The following CSMD1 variants were observed in gnomAD, a reference collection of about 807,000 sequenced individuals.
CSMD1 encodes the protein CUB and Sushi multiple domains 1, also known as CUB and sushi domain-containing protein 1.
A neutral mutation model predicts 417.5 loss-of-function variants in CSMD1; 213 were observed. The observed-to-expected ratio is 0.51, with a 90% CI of 0.46 to 0.57. The LOEUF (loss-of-function observed/expected upper bound fraction) is 0.57, where lower values mean the gene tolerates loss of function less well. Ranked by LOEUF, CSMD1 falls within the 20% of genes least tolerant of loss-of-function variation. The probability of loss-of-function intolerance (pLI) is 0.00; values close to 1 mark genes in which losing one functional copy is unlikely to be tolerated. For missense variants in CSMD1, 6,923 were observed against 4,529.7 expected (o/e 1.53, Z -15.17); for synonymous variants, 2,862 against 1,736.8 (o/e 1.65, Z -16.11).
At chr8:3,944,812 C>A (rs1457629986) in intron 5 of CSMD1, among the ~76,000 whole-genome samples, 1 of 152,054 alleles carries the variant, frequency 6.6e-6, no homozygotes, top group African/African-American at 2.4e-5. Context: ...GCGTTTCTTC[C>A]CCCGCCAATC....
At chr8:4,482,189 C>G (rs1187928873) in intron 2 of CSMD1, among the ~76,000 whole-genome samples, 1 of 151,988 alleles carries the variant, frequency 6.6e-6, no homozygotes, top group Non-Finnish European at 1.5e-5. Context: ...ATTATTTCAC[C>G]CCCCAAGTAT....
At chr8:3,909,456 T>A (rs1808314366) in intron 5 of CSMD1, among the ~76,000 whole-genome samples, 1 of 152,100 alleles carries the variant, frequency 6.6e-6, no homozygotes, top group Non-Finnish European at 1.5e-5. Flanking sequence ...ACACACGGCG[T>A]GCTCCTGAGA....
intron 3 of CSMD1, among the ~76,000 whole-genome samples, chr8:4,160,866 A>G (rs1200589098): frequency 6.6e-6 from 1 of 152,224 alleles, no homozygotes; most frequent in African/African-American, 2.4e-5. Flanking sequence ...CTTAAGGAGA[A>G]ATTCTAAAAA....
intron 2 of CSMD1, among the ~76,000 whole-genome samples, chr8:4,520,698 G>A (rs898194288): frequency 1.4e-4 from 21 of 152,100 alleles, no homozygotes; most frequent in Non-Finnish European, 2.6e-4. Flanking sequence ...GTTTGTATGT[G>A]AAAGTCAGAA....
At chr8:3,548,659 TACACACACACACACACACAC>T (rs146360407) in intron 10 of CSMD1, among the ~76,000 whole-genome samples, 1 of 133,000 alleles carries the variant, frequency 7.5e-6, no homozygotes, top group Non-Finnish European at 1.6e-5. Flanking sequence ...TATTCCATCA[TACACACACACACACACACAC>T]ACACACACAC....
At chr8:4,174,229 T>C (rs1797918053) in intron 3 of CSMD1, among the ~76,000 whole-genome samples, 1 of 152,118 alleles carries the variant, frequency 6.6e-6, no homozygotes, top group South Asian at 2.1e-4. Flanking sequence ...GACACCGTCT[T>C]GAAAGCAAAG....
chr8:4,165,398 A>G (rs3860863), intron 3 of CSMD1, among the ~76,000 whole-genome samples: 294 of 152,328 alleles, frequency 1.9e-3, no homozygotes, highest in African/African-American at 6.9e-3. Flanking sequence ...TGCCATTTGT[A>G]GAAAATATAA....
At chr8:4,038,320 T>C (rs1334416222) in intron 3 of CSMD1, among the ~76,000 whole-genome samples, 3 of 152,112 alleles carry the variant, frequency 2.0e-5, no homozygotes, top group African/African-American at 4.8e-5. Flanking sequence ...AAAACAGACA[T>C]AGTATTATAA....
At chr8:3,262,905 T>C (rs1226907137) in intron 26 of CSMD1, among the ~76,000 whole-genome samples, 4 of 152,218 alleles carry the variant, frequency 2.6e-5, no homozygotes, top group South Asian at 4.1e-4. Context: ...GTGAACTTCA[T>C]TGCAAGAGAA....
chr8:3,079,097 C>T (rs1006554154), intron 49 of CSMD1, among the ~76,000 whole-genome samples: 5 of 152,180 alleles, frequency 3.3e-5, no homozygotes, highest in African/African-American at 1.2e-4. Context: ...GGGAGCCTGA[C>T]TGCAACTGCA....
At chr8:3,993,338 G>T (rs967584589) in intron 5 of CSMD1, among the ~76,000 whole-genome samples, 1 of 152,164 alleles carries the variant, frequency 6.6e-6, no homozygotes, top group African/African-American at 2.4e-5. Context: ...CTGTTACTCA[G>T]CATGTTCCTC....
chr8:4,476,832 G>A (rs1686863924), intron 2 of CSMD1, among the ~76,000 whole-genome samples: 1 of 152,160 alleles, frequency 6.6e-6, no homozygotes, highest in South Asian at 2.1e-4. Context: ...GTACTTCCCT[G>A]GATTCCTTAC....
intron 2 of CSMD1, among the ~76,000 whole-genome samples, chr8:4,443,504 A>G (rs191533424): frequency 6.6e-6 from 1 of 152,196 alleles, no homozygotes; most frequent in African/African-American, 2.4e-5. Context: ...TATGCCACAT[A>G]TATTAACACC....
intron 12 of CSMD1, among the ~76,000 whole-genome samples, chr8:3,443,349 A>T (rs577438078): frequency 6.6e-6 from 1 of 152,342 alleles, no homozygotes; most frequent in South Asian, 2.1e-4. Context: ...AGAGAGAAAG[A>T]GAAAGAGAGC....
chr8:4,042,113 G>T (rs752934574), intron 3 of CSMD1, among the ~76,000 whole-genome samples: 5 of 151,984 alleles, frequency 3.3e-5, no homozygotes, highest in Non-Finnish European at 5.9e-5. Context: ...AAAAAAAGAA[G>T]AAAAGGAAAC....
chr8:3,425,745 C>A (rs1031364267), intron 12 of CSMD1, among the ~76,000 whole-genome samples: 22 of 152,094 alleles, frequency 1.4e-4, no homozygotes, highest in Non-Finnish European at 2.6e-4. Flanking sequence ...GGTTCGGATA[C>A]CCTTTTTCTC....
At chr8:3,407,535 A>C (rs1198661382) in intron 14 of CSMD1, among the ~76,000 whole-genome samples, 1 of 151,896 alleles carries the variant, frequency 6.6e-6, no homozygotes, top group Non-Finnish European at 1.5e-5. Flanking sequence ...GGACAGATGG[A>C]TGGATGAATG....
intron 30 of CSMD1, among the ~76,000 whole-genome samples, chr8:3,212,602 C>A (rs1380310533): frequency 6.6e-6 from 1 of 152,136 alleles, no homozygotes; most frequent in African/African-American, 2.4e-5. Context: ...GATCCACTAG[C>A]CTTGGCCTCC....
chr8:4,829,202 A>C lies in CSMD1; in HGVS notation c.85+165130T>G, dbSNP rs528105034. ...ATTTCTCCTTTCAATCTTCTAATAA[A>C]GACTGCTCAAGTTGTTTAGATGAGA... On this transcript the variant is annotated intron_variant, in intron 1 of 69. Coordinates refer to ENST00000635120, the MANE Select transcript of CSMD1 (RefSeq NM_033225.6). Among the ~76,000 whole-genome samples the C allele has an allele frequency of 2.0e-3, 304 of 152,312 alleles. 2 individuals carry two copies. Among genetic ancestry groups the C allele is most frequent in the Non-Finnish European group, 3.0e-3 (205 of 68,028 alleles).
Sources: allele counts gnomAD v4.1 joint callset (sites outside exome capture counted in the v4.1 genomes callset), GRCh38; gene constraint gnomAD v4.1.1; transcripts MANE v1.5; gene names NCBI Gene and HGNC (gene_info 2026-07-23, HGNC 2026-07-21).